Variants in PLEKHM2 observed in about 807,000 individuals in gnomAD.
PLEKHM2 encodes the protein pleckstrin homology domain-containing family M member 2.
PLEKHM2 carries 77 observed loss-of-function variants against 116.3 expected under a neutral mutation model. The ratio of observed to expected loss-of-function variants is 0.66; its 90% CI spans 0.55 to 0.80. The LOEUF (loss-of-function observed/expected upper bound fraction) is 0.80, where lower values mean the gene tolerates loss of function less well. PLEKHM2 is among the 30% of genes least tolerant of loss of function. The pLI, the probability that PLEKHM2 is intolerant of heterozygous loss-of-function variation, is 0.00. For synonymous variants in PLEKHM2, 562 were observed against 571.0 expected (o/e 0.98, Z 0.22); for missense variants, 1,183 against 1,354.9 (o/e 0.87, Z 1.99).
Position 15,727,587 on chromosome 1 carries a change from G to GGGA in PLEKHM2, c.1526_1528dup (p.Gly509dup). ...CTGAGGCTGCTGGCCAAGAAGAAGA[G>GGGA]GGAGGAGGAGGAGAGGGACAGACGC... On this transcript the variant is annotated inframe_insertion, in exon 9 of 20. Transcript: ENST00000375799. This position sits in a 1 kb window ranked among gnomAD's most constrained non-coding sequence, Gnocchi z 7.5. 6.3e-7 allele frequency: 1 copy of GGGA among 1,579,154 alleles called. No homozygotes were observed. The highest frequency in any genetic ancestry group is 8.6e-7 in the Non-Finnish European group (1 of 1,163,164).
chr1:15,698,443 G>T (rs980646171), intron 1 of PLEKHM2, among the ~76,000 whole-genome samples: 2 of 151,916 alleles, frequency 1.3e-5, no homozygotes, highest in Non-Finnish European at 2.9e-5. Flanking sequence ...GGGCTCAAGC[G>T]AACTTCCTGC....
rs367959648 is a variant in PLEKHM2 at position 15,731,175 on chromosome 1, G to T, written c.2400-17G>T. 38 of 1,582,132 alleles carry T rather than the reference G, an allele frequency of 2.4e-5. No individual in the cohort carries two copies. In the South Asian group the frequency reaches 4.0e-4, roughly 17 times the overall value. ...TCCTGGGACAGGCCTCACTCGCCCTGTGTTGTGCCCCTGCAGCAACGGGAT... is the reference window on the plus strand; with the variant it reads ...TCCTGGGACAGGCCTCACTCGCCCTTTGTTGTGCCCCTGCAGCAACGGGAT... On this transcript the variant is annotated splice_polypyrimidine_tract_variant and intron_variant, in intron 15 of 19. Transcript: ENST00000375799.
At position 15,684,567 on chromosome 1, in the gene PLEKHM2, G is replaced by A; in HGVS notation, c.9G>A (p.Pro3=). 1 of 1,291,422 alleles carries A rather than the reference G, an allele frequency of 7.7e-7. No homozygotes were observed. Among genetic ancestry groups the A allele is most frequent in the Non-Finnish European group, 1.0e-6 (1 of 1,004,274 alleles). 80.0% of individuals were successfully genotyped at this position (1,291,422 alleles called of 1,614,324 possible). A position where few individuals can be genotyped will look rare whatever the true frequency, so the allele number is the denominator to read the frequency against. ...GCGACGGTGGCAGCGCCATGGAGCC[G>A]GGGGAGGTGAAGGACCGGATCCTGG... The part of the protein sequence containing the change: ME[P]GEVKDRILEN... Residue 3 remains proline, a synonymous_variant, in exon 1 of 20, where the codon CCG becomes CCA. Transcript: ENST00000375799.
At chr1:15,731,066 C>T (rs943964212) in intron 15 of PLEKHM2, 126 bp from the exon 16 acceptor site, 2 of 724,218 alleles carry the variant, frequency 2.8e-6, no homozygotes, top group East Asian at 5.4e-5. Flanking sequence ...GATGACAGCC[C>T]CTGGTGTCCT....
At chr1:15,689,559 C>T (rs1640846709) in intron 1 of PLEKHM2, among the ~76,000 whole-genome samples, 1 of 152,186 alleles carries the variant, frequency 6.6e-6, no homozygotes, top group Admixed American at 6.5e-5. Flanking sequence ...ATGACTGGAC[C>T]ACTGTTCGCA....
At chr1:15,694,508 T>C (rs1640951677) in intron 1 of PLEKHM2, among the ~76,000 whole-genome samples, 1 of 152,062 alleles carries the variant, frequency 6.6e-6, no homozygotes, top group South Asian at 2.1e-4. Context: ...TTGGGTGAAG[T>C]CTCCTTTCCA....
intron 7 of PLEKHM2, chr1:15,723,464 A>AAG: frequency 6.7e-6 from 1 of 150,174 alleles, no homozygotes; most frequent in East Asian, 2.0e-4. Context: ...AAAAAAAAAA[A>AAG]GGGCCAGGCT....
rs778344771 is a variant in PLEKHM2 at position 15,727,189 on chromosome 1, C to G, written c.1117C>G (p.Gln373Glu). ...DSPDTMLASP[Q>E]EEGEGPSSTT... Reference sequence around the variant, plus strand: ...GCCAGACACTATGCTTGCCTCCCCCCAGGAGGAGGGAGAGGGGCCGAGCAG... The same window carrying G: ...GCCAGACACTATGCTTGCCTCCCCCGAGGAGGAGGGAGAGGGGCCGAGCAG... Residue 373 changes from glutamine to glutamate, a missense_variant, in exon 9 of 20, where the codon CAG becomes GAG. By Grantham distance (29) the Gln-to-Glu change is conservative. Around this residue, in one of 3 missense-constraint regions of PLEKHM2, gnomAD observed 372 missense variants for 357.2 expected, o/e 1.04. Transcript: ENST00000375799. This position sits in a 1 kb window ranked among gnomAD's most constrained non-coding sequence, Gnocchi z 7.5. 19 of 1,605,806 alleles carry G rather than the reference C, an allele frequency of 1.2e-5. No individual in the cohort carries two copies. The highest frequency in any genetic ancestry group is 4.0e-5 in the African/African-American group (3 of 74,788).
Position 15,728,530 on chromosome 1 carries a change from CTG to C in PLEKHM2, c.1922-136_1922-135del, listed in dbSNP as rs2068096917. On this transcript the variant is annotated intron_variant, in intron 11 of 19. Transcript: ENST00000375799. This position sits in a 1 kb window ranked among gnomAD's most constrained non-coding sequence, Gnocchi z 5.9. ...CTGAGACGTGAGCCTGGGGCTCCCT[CTG>C]TGAGCACTCCACGCCATTCTCCTAC... is the stretch of plus-strand genomic sequence containing the variant. 2 of 966,482 alleles carry C rather than the reference CTG, an allele frequency of 2.1e-6. No homozygotes were observed. The highest frequency in any genetic ancestry group is 4.5e-5 in the Admixed American group (2 of 44,330). The allele number at this position is 966,482 out of a possible 1,614,324, so 59.9% of individuals were successfully genotyped here.
At chr1:15,730,250 C>T (rs1053260636) in intron 14 of PLEKHM2, among the ~76,000 whole-genome samples, 1 of 152,132 alleles carries the variant, frequency 6.6e-6, no homozygotes, top group Non-Finnish European at 1.5e-5. Context: ...AGACCCGCCT[C>T]GCCAACATGG....
Position 15,728,405 on chromosome 1 carries a change from C to T in PLEKHM2, c.1921+48C>T. ...CAGCGGGTTGTAGACGAGGCTGACT[C>T]TCAGCCCCTTTTCCCCAGTCCCCTT... On this transcript the variant is annotated intron_variant, in intron 11 of 19. Transcript: ENST00000375799. This position sits in a 1 kb window ranked among gnomAD's most constrained non-coding sequence, Gnocchi z 5.9. 1 of 1,522,012 alleles carries T rather than the reference C, an allele frequency of 6.6e-7. No individual in the cohort carries two copies. The allele number at this position is 1,522,012 out of a possible 1,614,324, so 94.3% of individuals were successfully genotyped here.
intron 1 of PLEKHM2, among the ~76,000 whole-genome samples, chr1:15,710,071 C>T (rs1456242887): frequency 1.3e-5 from 2 of 151,246 alleles, no homozygotes; most frequent in Non-Finnish European, 2.9e-5. Flanking sequence ...AAAAAAAATA[C>T]AAAAAATTAG....
chr1:15,716,148 A>AT (rs930049714), intron 1 of PLEKHM2, 89 bp from the exon 2 acceptor site: 34 of 819,922 alleles, frequency 4.1e-5, no homozygotes, highest in Non-Finnish European at 5.3e-5. Context: ...CATTTGACTA[A>AT]TTTTTTTTAG....
chr1:15,717,067 C>T (rs1641461515), intron 3 of PLEKHM2, among the ~76,000 whole-genome samples: 1 of 152,090 alleles, frequency 6.6e-6, no homozygotes. Flanking sequence ...GCCTGGGCAA[C>T]ACAGTGAGAC....
chr1:15,682,638 C>A (rs115650935), upstream of PLEKHM2, among the ~76,000 whole-genome samples: 1,651 of 70,752 alleles, frequency 0.023, 51 homozygotes, highest in African/African-American at 0.13. Flanking sequence ...CAAAACAAAA[C>A]AAAACAAAAA....
chr1:15,709,047 A>AAGGTCACACAGTGAATG (rs1641278251), intron 1 of PLEKHM2, among the ~76,000 whole-genome samples: 1 of 152,184 alleles, frequency 6.6e-6, no homozygotes. Flanking sequence ...TAACTTGCCC[A>AAGGTCACACAGTGAATG]AGGTCACACA....
chr1:15,681,884 T>C (rs55976422), upstream of PLEKHM2, among the ~76,000 whole-genome samples: 14,595 of 152,206 alleles, frequency 0.096, 945 homozygotes, highest in African/African-American at 0.18. Flanking sequence ...CTGTTATCTC[T>C]TGCTTTCCTG....
At chr1:15,682,264 C>A (rs1000270133), upstream of PLEKHM2, among the ~76,000 whole-genome samples, 21 of 151,950 alleles carry the variant, frequency 1.4e-4, no homozygotes, top group Non-Finnish European at 2.2e-4. Flanking sequence ...GCCTGGCCAA[C>A]ATGGCGAAAC....
intron 1 of PLEKHM2, among the ~76,000 whole-genome samples, chr1:15,714,668 G>A (rs115435686): frequency 1.2e-3 from 187 of 152,306 alleles, no homozygotes; most frequent in Non-Finnish European, 2.3e-3. Flanking sequence ...ATGCTTGTTG[G>A]TGTGGTTGAT....
Sources: allele counts gnomAD v4.1 joint callset (sites outside exome capture counted in the v4.1 genomes callset), GRCh38; gene constraint gnomAD v4.1.1; regional missense constraint gnomAD v4.1.1; non-coding constraint Gnocchi (gnomAD v3.1); transcripts MANE v1.5; gene names NCBI Gene and HGNC (gene_info 2026-07-23, HGNC 2026-07-21).